The following TARDBP variants were observed in gnomAD, a reference collection of about 807,000 sequenced individuals.
TARDBP encodes TAR DNA-binding protein 43.
Under a neutral mutation model 38.3 loss-of-function variants are expected in TARDBP, and 4 were observed. The ratio of observed to expected loss-of-function variants is 0.10; its 90% CI spans 0.05 to 0.24. The LOEUF is 0.24. TARDBP is among the 10% of genes least tolerant of loss of function. The pLI, the probability that TARDBP is intolerant of heterozygous loss-of-function variation, is 1.00. For missense variants in TARDBP, 202 were observed against 521.9 expected, an observed-to-expected ratio of 0.39 and a Z score of 5.97; for synonymous variants, 184 against 183.8, an observed-to-expected ratio of 1.00 and a Z score of -0.01.
intron 4 of TARDBP, chr1:11,019,096 TC>T: frequency 1.7e-6 from 1 of 597,162 alleles, no homozygotes; most frequent in South Asian, 2.0e-5. Flanking sequence ...ATTTTGTTCT[TC>T]CTTTTCGCTA....
downstream of TARDBP, chr1:11,027,508 T>A: frequency 1.2e-6 from 2 of 1,614,180 alleles, no homozygotes; most frequent in Non-Finnish European, 1.7e-6. Context: ...TGAGCAGCTG[T>A]TAGGACCCAG....
chr1:11,027,772 G>A, downstream of TARDBP: 1 of 989,442 alleles, frequency 1.0e-6, no homozygotes, highest in Non-Finnish European at 1.5e-6. Flanking sequence ...TGAATTGGTG[G>A]GTGACTACCT....
intron 2 of TARDBP, among the ~76,000 whole-genome samples, chr1:11,014,361 G>T (rs2100839275): frequency 6.6e-6 from 1 of 152,232 alleles, no homozygotes; most frequent in East Asian, 1.9e-4. Flanking sequence ...TCCCTTAAAT[G>T]AGCAAACAGT....
At chr1:11,015,928 T>C (rs1643514720) in intron 2 of TARDBP, among the ~76,000 whole-genome samples, 1 of 150,256 alleles carries the variant, frequency 6.7e-6, no homozygotes, top group East Asian at 2.0e-4. Flanking sequence ...TTTTTATTTA[T>C]TTATTTTTAT....
chr1:11,013,298 A>AC (rs1176898702), intron 1 of TARDBP, among the ~76,000 whole-genome samples: 4 of 152,216 alleles, frequency 2.6e-5, no homozygotes, highest in African/African-American at 9.6e-5. Context: ...GCTTAGGAAA[A>AC]TCGACTGGGA....
intron 4 of TARDBP, among the ~76,000 whole-genome samples, chr1:11,019,747 T>C (rs1372731938): frequency 6.6e-6 from 1 of 152,038 alleles, no homozygotes; most frequent in South Asian, 2.1e-4. Context: ...TTTGTATTTT[T>C]AGTAGAGATG....
Position 11,023,242 on chromosome 1 carries a change from G to GCT in TARDBP, c.*589_*590dup. 6.4e-7 allele frequency: 1 copy of GCT among 1,550,440 alleles called. No homozygotes were observed. Among genetic ancestry groups the GCT allele is most frequent in the South Asian group, 1.2e-5 (1 of 84,050 alleles). ...GAAGAAGCACTTCATTGAAAGTAGTGCTGTAAATATTCTGCCATAGGAATA... is the reference window on the plus strand; with the variant it reads ...GAAGAAGCACTTCATTGAAAGTAGTGCTCTGTAAATATTCTGCCATAGGAATA... On this transcript the variant is annotated 3_prime_UTR_variant, in exon 6 of 6. Coordinates refer to ENST00000240185, the MANE Select transcript of TARDBP (RefSeq NM_007375.4).
chr1:11,015,220 T>TCGC (rs1177996942), intron 2 of TARDBP, among the ~76,000 whole-genome samples: 1 of 152,010 alleles, frequency 6.6e-6, no homozygotes, highest in African/African-American at 2.4e-5. Flanking sequence ...GTGCAATGGC[T>TCGC]CACACCTGTA....
rs57781131 is a variant in TARDBP at position 11,020,750 on chromosome 1, CA to C, written c.714+166del. ...GTGAAACCCCGTCTCTATTAAAATA[CA>C]AAAAAAAAAAAAAATAGCTCGGTGT... On this transcript the variant is annotated intron_variant, in intron 5 of 5. Coordinates refer to ENST00000240185, the MANE Select transcript of TARDBP (RefSeq NM_007375.4). 128,481 of 465,062 alleles carry C rather than the reference CA, an allele frequency of 0.28. 971 individuals are homozygous for C. The highest frequency in any genetic ancestry group is 0.37 in the South Asian group (15,351 of 41,166). The allele number at this position is 465,062 out of a possible 1,614,324, so 28.8% of individuals were successfully genotyped here. A position where few individuals can be genotyped will look rare whatever the true frequency, so the allele number is the denominator to read the frequency against.
chr1:11,021,860 T>C (rs1041509556), intron 5 of TARDBP, among the ~76,000 whole-genome samples: 5 of 150,958 alleles, frequency 3.3e-5, no homozygotes, highest in Admixed American at 3.3e-4. Context: ...CACACAGTCC[T>C]CCCACCTTGG....
chr1:11,017,993 C>T (rs1373103989), intron 3 of TARDBP, among the ~76,000 whole-genome samples: 1 of 152,132 alleles, frequency 6.6e-6, no homozygotes, highest in Non-Finnish European at 1.5e-5. Context: ...TGCCATTCTC[C>T]TGCCTCAGCC....
downstream of TARDBP, chr1:11,025,955 T>G (rs1025192409): frequency 1.3e-5 from 2 of 154,864 alleles, no homozygotes; most frequent in African/African-American, 4.8e-5. Context: ...TGTGCTTTTG[T>G]TAGGCATCAC....
At chr1:11,026,467 G>T (rs1643733029), downstream of TARDBP, 2 of 154,762 alleles carry the variant, frequency 1.3e-5, no homozygotes, top group African/African-American at 4.8e-5. Context: ...CCAAAAAAAG[G>T]ATTCAAGGTT....
chr1:11,016,516 A>G (rs1039529573), intron 2 of TARDBP, among the ~76,000 whole-genome samples: 9 of 152,258 alleles, frequency 5.9e-5, no homozygotes, highest in African/African-American at 2.2e-4. Flanking sequence ...AATCTTCATC[A>G]GGATATACAA....
chr1:11,016,745 G>A, intron 2 of TARDBP, 99 bp from the exon 3 acceptor site: 1 of 1,260,542 alleles, frequency 7.9e-7, no homozygotes, highest in Non-Finnish European at 1.1e-6. Context: ...ATTCTTCTTA[G>A]AGTCTTCTTT....
Position 11,022,786 on chromosome 1 carries a change from A to G in TARDBP, c.*132A>G. 5 of 1,437,656 alleles carry G rather than the reference A, an allele frequency of 3.5e-6. No individual in the cohort carries two copies. Among genetic ancestry groups the G allele is most frequent in the Non-Finnish European group, 4.6e-6 (5 of 1,095,208 alleles). The allele number at this position is 1,437,656 out of a possible 1,614,324, so 89.1% of individuals were successfully genotyped here. A position where few individuals can be genotyped will look rare whatever the true frequency, so the allele number is the denominator to read the frequency against. ...GGTTTGTTCAGTGTGGAGTATATTC[A>G]GCAGTATTTTTGACATTTTTCTTTA... On this transcript the variant is annotated 3_prime_UTR_variant, in exon 6 of 6. Transcript: ENST00000240185. This position sits in a 1 kb window ranked among gnomAD's most constrained non-coding sequence, Gnocchi z 4.5.
In TARDBP at chr1:11,024,568, G is replaced by A. The variant is rs1038544388; in HGVS notation, c.*1914G>A. 29 of 152,642 alleles carry A rather than the reference G, an allele frequency of 1.9e-4. No individual in the cohort carries two copies. Among genetic ancestry groups the A allele is most frequent in the African/African-American group, 6.5e-4 (27 of 41,448 alleles). 9.5% of individuals were successfully genotyped at this position (152,642 alleles called of 1,614,324 possible). A position where few individuals can be genotyped will look rare whatever the true frequency, so the allele number is the denominator to read the frequency against. On this transcript the variant is annotated 3_prime_UTR_variant, in exon 6 of 6. Coordinates refer to ENST00000240185, the MANE Select transcript of TARDBP (RefSeq NM_007375.4). ...GATTTGAAAAGTGGAATTAATTGCA[G>A]TAGGGATAAAGTAGAAGAAACCACA...
downstream of TARDBP, among the ~76,000 whole-genome samples, chr1:11,029,236 G>A (rs1243744433): frequency 2.0e-5 from 3 of 151,014 alleles, no homozygotes; most frequent in African/African-American, 4.9e-5. Context: ...TCCTGACCTC[G>A]TGATCTTTCC....
In TARDBP at chr1:11,018,880, GC is replaced by G; in HGVS notation, c.543+8del. 2 of 1,614,048 alleles carry G rather than the reference GC, an allele frequency of 1.2e-6. No homozygotes were observed. Among genetic ancestry groups the G allele is most frequent in the Non-Finnish European group, 1.7e-6 (2 of 1,180,026 alleles). On this transcript the variant is annotated splice_region_variant and intron_variant, in intron 4 of 5. Transcript: ENST00000240185. The stretch of plus-strand genomic sequence containing the variant: ...CAAACTTCCTAATTCTAAGGTACTT[GC>G]GTCTGTGCTTTGGGAATTTTTGCCA...
Sources: allele counts gnomAD v4.1 joint callset (sites outside exome capture counted in the v4.1 genomes callset), GRCh38; gene constraint gnomAD v4.1.1; non-coding constraint Gnocchi (gnomAD v3.1); transcripts MANE v1.5; gene names NCBI Gene and HGNC (gene_info 2026-07-23, HGNC 2026-07-21).